Variants in NR2F1-AS1 observed in about 807,000 individuals in gnomAD.
NR2F1-AS1 encodes the protein NR2F1 regulatory antisense RNA 1.
intron 2 of NR2F1-AS1, among the ~76,000 whole-genome samples, chr5:93,563,006 A>T (rs1390045364): frequency 6.6e-6 from 1 of 152,212 alleles, no homozygotes; most frequent in East Asian, 1.9e-4. Context: ...CCTTGTATCC[A>T]CGAATTGTAA....
intron 1 of NR2F1-AS1, among the ~76,000 whole-genome samples, chr5:93,577,482 C>T (rs1320142721): frequency 6.6e-6 from 1 of 152,144 alleles, no homozygotes; most frequent in African/African-American, 2.4e-5. Context: ...CTTTTTACAA[C>T]TAGGCAGCCA....
At chr5:93,527,420 C>CA (rs1751640646) in intron 4 of NR2F1-AS1, among the ~76,000 whole-genome samples, 2 of 151,996 alleles carry the variant, frequency 1.3e-5, no homozygotes, top group Non-Finnish European at 2.9e-5. Context: ...GCTATAATGC[C>CA]AAAAGTAGTT....
intron 4 of NR2F1-AS1, among the ~76,000 whole-genome samples, chr5:93,505,348 T>C (rs1001511212): frequency 6.6e-6 from 1 of 152,140 alleles, no homozygotes; most frequent in African/African-American, 2.4e-5. Context: ...AGGTGCATGG[T>C]GAAAGCTGTC....
intron 4 of NR2F1-AS1, among the ~76,000 whole-genome samples, chr5:93,425,437 A>G (rs1222992364): frequency 6.6e-6 from 1 of 152,350 alleles, no homozygotes. Context: ...AAAGCAAGTC[A>G]TATGATCAAC....
At chr5:93,479,624 G>A (rs1446313109) in intron 4 of NR2F1-AS1, among the ~76,000 whole-genome samples, 1 of 151,992 alleles carries the variant, frequency 6.6e-6, no homozygotes, top group African/African-American at 2.4e-5. Flanking sequence ...AAAAAATTAT[G>A]AAGCACACAA....
At chr5:93,569,446 G>A (rs1429609917) in intron 1 of NR2F1-AS1, among the ~76,000 whole-genome samples, 1 of 152,158 alleles carries the variant, frequency 6.6e-6, no homozygotes, top group Non-Finnish European at 1.5e-5. Flanking sequence ...TCCCCAACCT[G>A]GACACCTGGG....
At chr5:93,497,549 G>A (rs6893406) in intron 4 of NR2F1-AS1, among the ~76,000 whole-genome samples, 1 of 152,214 alleles carries the variant, frequency 6.6e-6, no homozygotes, top group Middle Eastern at 3.4e-3. Context: ...ACTCATCATG[G>A]AACAGTGACA....
chr5:93,411,636 G>T (rs1026154498), intron 4 of NR2F1-AS1: 1 of 152,060 alleles, frequency 6.6e-6, no homozygotes, highest in Non-Finnish European at 1.5e-5. Context: ...ATACAACCAG[G>T]ATCTCTTATG....
At chr5:93,455,360 A>G (rs151276386) in intron 4 of NR2F1-AS1, among the ~76,000 whole-genome samples, 20 of 152,340 alleles carry the variant, frequency 1.3e-4, no homozygotes, top group Admixed American at 1.3e-3. Context: ...TGATAAGTTA[A>G]AGATGTGTGT....
chr5:93,536,744 T>A (rs1221892471), intron 4 of NR2F1-AS1, among the ~76,000 whole-genome samples: 2 of 152,208 alleles, frequency 1.3e-5, no homozygotes, highest in African/African-American at 2.4e-5. Context: ...TGTAGAAGAA[T>A]GAGAATAGAT....
chr5:93,571,395 T>C (rs1052967843), intron 1 of NR2F1-AS1: 8 of 150,454 alleles, frequency 5.3e-5, no homozygotes, highest in Non-Finnish European at 8.9e-5. Context: ...GCTCGACGGC[T>C]AAGCGGCAGG....
At chr5:93,473,423 G>A (rs1437443960) in intron 4 of NR2F1-AS1, among the ~76,000 whole-genome samples, 1 of 151,424 alleles carries the variant, frequency 6.6e-6, no homozygotes, top group Non-Finnish European at 1.5e-5. Flanking sequence ...TCATCCCAAG[G>A]GAAAATATTA....
At chr5:93,450,914 C>CAAAAA (rs60895927) in intron 4 of NR2F1-AS1, among the ~76,000 whole-genome samples, 20 of 54,022 alleles carry the variant, frequency 3.7e-4, no homozygotes, top group Non-Finnish European at 5.6e-4. Flanking sequence ...GAATCTGCTT[C>CAAAAA]AAAAAAAAAA....
chr5:93,480,340 A>G (rs1750575488), intron 4 of NR2F1-AS1, among the ~76,000 whole-genome samples: 1 of 152,164 alleles, frequency 6.6e-6, no homozygotes, highest in African/African-American at 2.4e-5. Context: ...GAAACTATGG[A>G]GGTCAAAAGG....
Position 93,555,208 on chromosome 5 carries a change from G to A in NR2F1-AS1, n.414-213C>T, listed in dbSNP as rs76488430. 1.5e-3 allele frequency among the ~76,000 whole-genome samples: 235 copies of A among 152,152 alleles called. 2 individuals are homozygous for A. The East Asian group carries it at 0.039, about 25-fold the overall frequency. On this transcript the variant is annotated intron_variant and non_coding_transcript_variant, in intron 2 of 5. Coordinates refer to ENST00000660523, the Ensembl canonical transcript of NR2F1-AS1. Reference sequence around the variant, plus strand: ...TTTCCAATTTCTACAACGCCTAGCCGAACAAATAACTCAGTCTAGTAAGAA... The same window carrying A: ...TTTCCAATTTCTACAACGCCTAGCCAAACAAATAACTCAGTCTAGTAAGAA...
At chr5:93,456,810 A>G (rs182149932) in intron 4 of NR2F1-AS1, among the ~76,000 whole-genome samples, 6 of 152,274 alleles carry the variant, frequency 3.9e-5, no homozygotes, top group Admixed American at 3.3e-4. Flanking sequence ...CAGGGAGACA[A>G]TGGAGAGTGG....
chr5:93,541,398 G>A (rs1751947187), intron 4 of NR2F1-AS1, among the ~76,000 whole-genome samples: 2 of 152,138 alleles, frequency 1.3e-5, no homozygotes, highest in Admixed American at 1.3e-4. Context: ...TGGTCTTTCA[G>A]TCTCCCTCAA....
At chr5:93,569,459 G>T (rs998534272) in intron 1 of NR2F1-AS1, among the ~76,000 whole-genome samples, 1 of 152,230 alleles carries the variant, frequency 6.6e-6, no homozygotes, top group African/African-American at 2.4e-5. Context: ...CACCTGGGAA[G>T]CATGCTGTGC....
intron 3 of NR2F1-AS1, chr5:93,554,805 A>T (rs1337081120): frequency 2.0e-5 from 3 of 152,218 alleles, no homozygotes; most frequent in Non-Finnish European, 4.4e-5. Flanking sequence ...AAAAACAAAC[A>T]GCTAGATTCT....
Sources: gnomAD v4.1 joint callset for allele counts (sites outside exome capture counted in the v4.1 genomes callset) on GRCh38, gnomAD v4.1.1 for gene constraint, MANE v1.5 for transcripts, NCBI Gene and HGNC (gene_info 2026-07-23, HGNC 2026-07-21) for gene names.